The following TTI2 variants were observed in gnomAD, a reference collection of about 807,000 sequenced individuals.
TTI2 encodes TELO2 interacting protein 2.
A neutral mutation model predicts 44.9 loss-of-function variants in TTI2; 26 were observed. The observed-to-expected ratio is 0.58, with a 90% CI of 0.42 to 0.80. TTI2 has a LOEUF of 0.80. Ranked by LOEUF, TTI2 falls within the 30% of genes least tolerant of loss-of-function variation. The pLI is 0.00. For synonymous variants in TTI2, 254 were observed against 250.9 expected (o/e 1.01, Z -0.12); for missense variants, 582 against 611.6 (o/e 0.95, Z 0.51).
In TTI2 at chr8:33,508,671, G is replaced by A. The variant is rs535926097; in HGVS notation, c.834+1075C>T. On this transcript the variant is annotated intron_variant, in intron 3 of 7. Coordinates refer to ENST00000431156, the MANE Select transcript of TTI2 (RefSeq NM_001102401.4). ...GGGGGCAGGGTTGGAGGTGATCTCT[G>A]GCTCTCCCCTACAGGTACATGGAGA... Among the ~76,000 whole-genome samples the A allele has an allele frequency of 2.7e-5, 4 of 149,072 alleles. No homozygotes were observed. In the Admixed American group the frequency reaches 2.7e-4, roughly 10 times the overall value.
At chr8:33,502,542 T>C (rs1052563997) in intron 6 of TTI2, among the ~76,000 whole-genome samples, 2 of 151,906 alleles carry the variant, frequency 1.3e-5, no homozygotes, top group African/African-American at 4.8e-5. Context: ...TTAAGATATA[T>C]AGCCAGGCAC....
intron 3 of TTI2, among the ~76,000 whole-genome samples, chr8:33,507,672 T>C (rs748929391): frequency 1.3e-5 from 2 of 151,890 alleles, no homozygotes; most frequent in African/African-American, 2.4e-5. Context: ...CCCCACCACC[T>C]ACAACCATGT....
At chr8:33,510,765 T>C (rs1363465963) in intron 2 of TTI2, among the ~76,000 whole-genome samples, 2 of 152,036 alleles carry the variant, frequency 1.3e-5, no homozygotes, top group Non-Finnish European at 2.9e-5. Flanking sequence ...AGCACGAAAC[T>C]CAAAATCAAG....
chr8:33,503,716 AAAT>A (rs1278553064), intron 5 of TTI2, 29 bp downstream of exon 5: 38 of 1,611,032 alleles, frequency 2.4e-5, no homozygotes, highest in Non-Finnish European at 3.1e-5. Flanking sequence ...TGTCTGTATA[AAAT>A]AATAATAAAT....
intron 4 of TTI2, among the ~76,000 whole-genome samples, chr8:33,506,008 C>T (rs1384677037): frequency 6.6e-6 from 1 of 152,170 alleles, no homozygotes; most frequent in Non-Finnish European, 1.5e-5. Flanking sequence ...TGGTCTTGAA[C>T]TCCCAACCTC....
chr8:33,509,971 A>T, intron 2 of TTI2, 39 bp from the exon 3 acceptor site: 45 of 804,430 alleles, frequency 5.6e-5, no homozygotes, highest in Non-Finnish European at 7.9e-5. Flanking sequence ...TGACATGGTG[A>T]TAAGTAGCAA....
In TTI2 at chr8:33,512,004, A is replaced by G. The variant is rs369247068; in HGVS notation, c.610T>C (p.Ser204Pro). 1.3e-4 allele frequency: 212 copies of G among 1,614,090 alleles called. No individual in the cohort carries two copies. The highest frequency in any genetic ancestry group is 1.7e-4 in the Non-Finnish European group (206 of 1,180,046). Reference sequence around the variant, plus strand: ...GGTTTGAGAAGCCCTAGTATCACCGAAAGTCTCCCTTTCTCATCTTCATTT... The same window carrying G: ...GGTTTGAGAAGCCCTAGTATCACCGGAAGTCTCCCTTTCTCATCTTCATTT... Reference protein sequence around the residue: ...GENEDEKGRLSVILGLLKPDL... With the variant: ...GENEDEKGRLPVILGLLKPDL... Residue 204 changes from serine (S) to proline (P), a missense_variant, in exon 2 of 8, where the codon TCG (serine) becomes CCG (proline). Ser to Pro is a moderately conservative substitution (Grantham distance 74). Transcript: ENST00000431156.
Position 33,509,796 on chromosome 8 carries a change from C to T in TTI2, c.784G>A (p.Glu262Lys), listed in dbSNP as rs1809450593. 1.9e-6 allele frequency: 3 copies of T among 1,613,950 alleles called. No homozygotes were observed. The highest frequency in any genetic ancestry group is 2.2e-5 in the South Asian group (2 of 91,084). The change falls in exon 3 of 8, where the codon GAG becomes AAG. Residue 262 changes from glutamate to lysine, a missense_variant. Physicochemically the swap from Glu to Lys is moderately conservative, Grantham distance 56. Coordinates refer to ENST00000431156, the MANE Select transcript of TTI2 (RefSeq NM_001102401.4). ...CAGTGTACACCCAGGATTTTGTTCT[C>T]AGTCTGATAGTCATCTGAAATGACC... ...SLVISDDYQT[E>K]NKILGVHCLH... is the part of the protein sequence containing the mutation.
In TTI2 at chr8:33,507,219, A is replaced by C. The variant is rs1385189648; in HGVS notation, c.927+10T>G. The C allele has an allele frequency of 1.2e-6, 2 of 1,612,030 alleles. No homozygotes were observed. Among genetic ancestry groups the C allele is most frequent in the African/African-American group, 1.3e-5 (1 of 75,006 alleles). On this transcript the variant is annotated intron_variant, in intron 4 of 7. Coordinates refer to ENST00000431156, the MANE Select transcript of TTI2 (RefSeq NM_001102401.4). ...ATCCAGACCCAGTTATGAAGAAATC[A>C]TACTATTACCTGAATGAGGTGGTGC...
intron 6 of TTI2, among the ~76,000 whole-genome samples, chr8:33,501,603 T>A (rs1809080667): frequency 6.6e-6 from 1 of 152,236 alleles, no homozygotes; most frequent in East Asian, 1.9e-4. Flanking sequence ...ATAATAGATG[T>A]GGTTTTCCGT....
intron 4 of TTI2, among the ~76,000 whole-genome samples, chr8:33,505,868 T>C (rs1391085366): frequency 6.6e-6 from 1 of 152,164 alleles, no homozygotes; most frequent in Non-Finnish European, 1.5e-5. Flanking sequence ...TTAGCCAGGA[T>C]GGTCTCGATC....
intron 4 of TTI2, 59 bp from the exon 5 acceptor site, chr8:33,503,994 A>C: frequency 1.5e-5 from 24 of 1,560,044 alleles, no homozygotes; most frequent in Non-Finnish European, 1.9e-5. Context: ...TACAATACTC[A>C]CTGACTTCTC....
At chr8:33,500,237 G>T in intron 7 of TTI2, 91 bp downstream of exon 7, 2 of 1,482,044 alleles carry the variant, frequency 1.3e-6, no homozygotes, top group South Asian at 1.2e-5. Context: ...TCCAGACTTG[G>T]TCAGGCACAT....
chr8:33,509,563 A>G (rs1160334572), intron 3 of TTI2, among the ~76,000 whole-genome samples, 183 bp downstream of exon 3: 1 of 152,232 alleles, frequency 6.6e-6, no homozygotes, highest in Non-Finnish European at 1.5e-5. Flanking sequence ...TTCTTCTATA[A>G]TTATCATTTT....
Position 33,503,711 on chromosome 8 carries a change from G to C in TTI2, c.1115+37C>G. The C allele has an allele frequency of 6.2e-7, 1 of 1,610,982 alleles. No individual in the cohort carries two copies. The highest frequency in any genetic ancestry group is 2.2e-5 in the East Asian group (1 of 44,854). ...CAAGCAACATAGCAAGATCCTGTCT[G>C]TATAAAATAATAATAAATAAAAGCC... On this transcript the variant is annotated intron_variant, in intron 5 of 7. Coordinates refer to ENST00000431156, the MANE Select transcript of TTI2 (RefSeq NM_001102401.4).
rs1809603540 is a variant in TTI2 at position 33,512,733 on chromosome 8, A to G, written c.-99-21T>C. On this transcript the variant is annotated intron_variant, in intron 1 of 7. Transcript: ENST00000431156. ...GAGAACTAAAATCAAATAAAATAAA[A>G]CAGAGAGATGTCTTGGAGGAGGGGG... is the stretch of plus-strand genomic sequence containing the variant. 15 of 1,182,662 alleles carry G rather than the reference A, an allele frequency of 1.3e-5. No individual in the cohort carries two copies. The South Asian group carries it at 2.2e-4, about 17-fold the overall frequency. The allele number at this position is 1,182,662 out of a possible 1,614,324, so 73.3% of individuals were successfully genotyped here.
Position 33,499,122 on chromosome 8 carries a change from C to T in TTI2, c.*51G>A, listed in dbSNP as rs1333417942. Reference sequence around the variant, plus strand: ...TTTTTCTTAAATAACTCCATTCATACAAATTGGGATGGGAAGAAAATCCTT... The same window carrying T: ...TTTTTCTTAAATAACTCCATTCATATAAATTGGGATGGGAAGAAAATCCTT... On this transcript the variant is annotated 3_prime_UTR_variant, in exon 8 of 8. Transcript: ENST00000431156. 1 of 1,445,286 alleles carries T rather than the reference C, an allele frequency of 6.9e-7. No homozygotes were observed. Among genetic ancestry groups the T allele is most frequent in the Admixed American group, 1.7e-5 (1 of 59,482 alleles). 89.5% of individuals were successfully genotyped at this position (1,445,286 alleles called of 1,614,324 possible).
intron 6 of TTI2, 103 bp downstream of exon 6, chr8:33,503,326 T>C: frequency 6.6e-7 from 1 of 1,504,416 alleles, no homozygotes; most frequent in South Asian, 1.2e-5. Flanking sequence ...GGTATTCAAA[T>C]ACATAGTATA....
Position 33,512,343 on chromosome 8 carries a change from T to A in TTI2, c.271A>T (p.Lys91Ter). 1 of 1,614,064 alleles carries A rather than the reference T, an allele frequency of 6.2e-7. No individual in the cohort carries two copies. Among genetic ancestry groups the A allele is most frequent in the African/African-American group, 1.3e-5 (1 of 74,994 alleles). Residue 91 changes from lysine (K) to a stop codon, truncating the protein, a stop_gained, in exon 2 of 8, where the codon AAG becomes TAG. Coordinates refer to ENST00000431156, the MANE Select transcript of TTI2 (RefSeq NM_001102401.4). LOFTEE classifies it high-confidence loss of function. ...TLGQVAKALE[K>*]YAAPSKEEEG... ...TCCTCCTTGGAGGGGGCTGCATACT[T>A]CTCCAGGGCTTTTGCTACCTGCCCC...
Sources: gnomAD v4.1 joint callset for allele counts (sites outside exome capture counted in the v4.1 genomes callset) on GRCh38, gnomAD v4.1.1 for gene constraint, MANE v1.5 for transcripts, NCBI Gene and HGNC (gene_info 2026-07-23, HGNC 2026-07-21) for gene names.